VPS13B: variants seen among roughly 807,000 people sequenced by gnomAD.
VPS13B encodes vacuolar protein sorting 13 homolog B.
Under a neutral mutation model 426.4 loss-of-function variants are expected in VPS13B, and 285 were observed. The ratio of observed to expected loss-of-function variants is 0.67; its 90% confidence interval spans 0.61 to 0.74. The LOEUF is 0.74. VPS13B is among the 30% of genes least tolerant of loss of function. VPS13B has a pLI of 0.00. For missense variants in VPS13B, 4,537 were observed against 4,782.6 expected (o/e 0.95, Z 1.51); for synonymous variants, 1,676 against 1,676.4 (o/e 1.00, Z 0.01).
rs145081721 is a variant in VPS13B, at chr8:99,374,023, A to G, written c.2825-10185A>G. Among the ~76,000 whole-genome samples the G allele has an allele frequency of 6.1e-3, 926 of 152,230 alleles. 13 individuals carry two copies. The highest frequency in any genetic ancestry group is 0.021 in the African/African-American group (881 of 41,526). On this transcript the variant is annotated intron_variant, in intron 19 of 61. Coordinates refer to ENST00000357162, the MANE Select transcript of VPS13B (RefSeq NM_152564.5). ...ATTCTATCATTTTTATTTTGTCTTC[A>G]TCTTTGAAGGACATTTTCAATGGGT...
At position 99,412,626 on chromosome 8, in the gene VPS13B, A is replaced by G. The variant is rs557528557; in HGVS notation, c.3083-18911A>G. Among the ~76,000 whole-genome samples, 4 of 152,252 alleles carry G rather than the reference A, an allele frequency of 2.6e-5. No homozygotes were observed. In the East Asian group the frequency reaches 7.7e-4, roughly 29 times the overall value. Reference sequence around the variant, plus strand: ...TACTATGTGGAATAGGAGTGGTAAGAGTGGGCATCCTTGTCTTTTGCTGGT... The same window carrying G: ...TACTATGTGGAATAGGAGTGGTAAGGGTGGGCATCCTTGTCTTTTGCTGGT... On this transcript the variant is annotated intron_variant, in intron 21 of 61. Coordinates refer to ENST00000357162, the MANE Select transcript of VPS13B (RefSeq NM_152564.5).
chr8:99,078,806 G>A (rs554484617), intron 3 of VPS13B, among the ~76,000 whole-genome samples: 8 of 151,834 alleles, frequency 5.3e-5, no homozygotes, highest in East Asian at 2.0e-4. Flanking sequence ...TGGGTGTGCC[G>A]GTCCCCAGTC....
chr8:99,392,829 C>T (rs1238938035), intron 21 of VPS13B, among the ~76,000 whole-genome samples: 2 of 152,056 alleles, frequency 1.3e-5, no homozygotes, highest in Admixed American at 6.6e-5. Flanking sequence ...TCCATAGCCA[C>T]AAGCCTTTTA....
At chr8:99,387,022 CAG>C (rs1814161863) in intron 20 of VPS13B, among the ~76,000 whole-genome samples, 2 of 152,114 alleles carry the variant, frequency 1.3e-5, no homozygotes, top group African/African-American at 2.4e-5. Flanking sequence ...CCCACTCATT[CAG>C]AGTTACAAAT....
At chr8:99,499,392 G>A (rs149598788) in intron 25 of VPS13B, among the ~76,000 whole-genome samples, 2 of 152,242 alleles carry the variant, frequency 1.3e-5, no homozygotes, top group African/African-American at 4.8e-5. Context: ...ATACCAAGTA[G>A]TGTTAAAAAT....
At chr8:99,344,039 T>G (rs1164171010) in intron 19 of VPS13B, among the ~76,000 whole-genome samples, 1 of 152,134 alleles carries the variant, frequency 6.6e-6, no homozygotes, top group Non-Finnish European at 1.5e-5. Flanking sequence ...AATGACGATA[T>G]CCAACTCTCT....
chr8:99,868,748 G>A (rs1817235584), intron 59 of VPS13B, among the ~76,000 whole-genome samples: 1 of 152,210 alleles, frequency 6.6e-6, no homozygotes. Flanking sequence ...GGGCAGAATG[G>A]AGAATACAGC....
At chr8:99,571,418 A>T (rs1413238481) in intron 31 of VPS13B, among the ~76,000 whole-genome samples, 1 of 152,154 alleles carries the variant, frequency 6.6e-6, no homozygotes, top group African/African-American at 2.4e-5. Flanking sequence ...CAGAGATATC[A>T]TAAAACTTAA....
chr8:99,816,289 A>T (rs1305691759), intron 44 of VPS13B, among the ~76,000 whole-genome samples: 46 of 151,938 alleles, frequency 3.0e-4, no homozygotes, highest in Non-Finnish European at 7.4e-5. Context: ...TTTAGTAGAG[A>T]CAGGGTTTCT....
At chr8:99,623,064 G>T (rs983732849) in intron 33 of VPS13B, among the ~76,000 whole-genome samples, 1 of 152,152 alleles carries the variant, frequency 6.6e-6, no homozygotes. Context: ...AAGGAGTCCT[G>T]CTTCTTTTAG....
intron 16 of VPS13B, among the ~76,000 whole-genome samples, chr8:99,187,859 TC>T (rs1251004514): frequency 6.6e-6 from 1 of 151,970 alleles, no homozygotes; most frequent in Non-Finnish European, 1.5e-5. Flanking sequence ...TCCCAGTTAC[TC>T]GGGTGACTGA....
chr8:99,567,479 GT>G (rs200194869), intron 31 of VPS13B, among the ~76,000 whole-genome samples: 125 of 131,852 alleles, frequency 9.5e-4, no homozygotes, highest in Admixed American at 2.1e-3. Flanking sequence ...TTTTGTTGGT[GT>G]TTTTTTTTTT....
intron 19 of VPS13B, among the ~76,000 whole-genome samples, chr8:99,344,688 T>G (rs1210781924): frequency 1.3e-5 from 2 of 152,166 alleles, no homozygotes; most frequent in Non-Finnish European, 1.5e-5. Context: ...AATTTGAACT[T>G]TTTTTTCAGG....
rs1811864361 is a variant in VPS13B at position 99,778,689 on chromosome 8, A to G, written c.7437A>G (p.Pro2479=). The G allele has an allele frequency of 1.2e-6, 2 of 1,613,844 alleles. No homozygotes were observed. The highest frequency in any genetic ancestry group is 1.7e-6 in the Non-Finnish European group (2 of 1,179,814). The part of the protein sequence containing the change: ...HHLDQLGTAA[P]QYLQPFVSDR... Reference sequence around the variant, plus strand: ...TGTTTGTTTTCTCAACAGCTGCACCACAGTACCTACAGCCATTTGTTTCCG... The same window carrying G: ...TGTTTGTTTTCTCAACAGCTGCACCGCAGTACCTACAGCCATTTGTTTCCG... The change falls in exon 42 of 62, where the codon CCA becomes CCG. Residue 2479 remains proline, a synonymous_variant. Transcript: ENST00000357162.
intron 14 of VPS13B, among the ~76,000 whole-genome samples, chr8:99,150,135 A>G (rs1487877083): frequency 6.6e-6 from 1 of 152,208 alleles, no homozygotes; most frequent in East Asian, 1.9e-4. Context: ...GTGTATTACG[A>G]TTAAGAGATC....
In VPS13B at chr8:99,784,321, T is replaced by G. The variant is rs200941251; in HGVS notation, c.7786T>G (p.Cys2596Gly). 30 of 1,613,512 alleles carry G rather than the reference T, an allele frequency of 1.9e-5. No individual in the cohort carries two copies. The highest frequency in any genetic ancestry group is 2.5e-5 in the Non-Finnish European group (30 of 1,179,650). The change falls in exon 43 of 62, where the codon TGC becomes GGC. Residue 2596 changes from cysteine (C) to glycine (G), a missense_variant. Around this residue, in one of 2 missense-constraint regions of VPS13B, gnomAD observed 4,311 missense variants for 4,474.3 expected, o/e 0.96. Coordinates refer to ENST00000357162, the MANE Select transcript of VPS13B (RefSeq NM_152564.5). ...CGTATCCTTTTTCTTTCAGAACAAA[T>G]GCCCTGAGGTAGAGGAGTTGGTCTT... is the stretch of plus-strand genomic sequence containing the variant. ...TAIQAWQQNKCPEVEELVFSH... is the reference protein window; with the variant it reads ...TAIQAWQQNKGPEVEELVFSH...
At chr8:99,733,521 A>G (rs1833685913) in intron 39 of VPS13B, among the ~76,000 whole-genome samples, 1 of 152,240 alleles carries the variant, frequency 6.6e-6, no homozygotes, top group African/African-American at 2.4e-5. Context: ...ATAGTGCTGA[A>G]TAAATGTTAG....
chr8:99,577,430 T>A, intron 32 of VPS13B, 60 bp from the exon 33 acceptor site: 1 of 1,607,912 alleles, frequency 6.2e-7, no homozygotes, highest in Non-Finnish European at 8.5e-7. Context: ...GTAAGAATGA[T>A]AAATTATCAT....
intron 31 of VPS13B, among the ~76,000 whole-genome samples, chr8:99,561,717 T>C (rs919241766): frequency 1.3e-5 from 2 of 152,224 alleles, no homozygotes; most frequent in African/African-American, 4.8e-5. Flanking sequence ...GTGTATTAAA[T>C]ACATTCTTGA....
Sources: gnomAD v4.1 joint callset for allele counts (sites outside exome capture counted in the v4.1 genomes callset) on GRCh38, gnomAD v4.1.1 for gene constraint, gnomAD v4.1.1 regional missense constraint, MANE v1.5 for transcripts, NCBI Gene and HGNC (gene_info 2026-07-23, HGNC 2026-07-21) for gene names.